PCDH15: variants seen among roughly 807,000 people sequenced by gnomAD.
The protein encoded by PCDH15 is protocadherin-15.
PCDH15 carries 129 observed loss-of-function variants against 178.5 expected under a neutral mutation model. The observed-to-expected ratio is 0.72, with a 90% CI of 0.63 to 0.84. The LOEUF (loss-of-function observed/expected upper bound fraction) is 0.84, where lower values mean the gene tolerates loss of function less well. PCDH15 is among the 40% of genes least tolerant of loss of function. The pLI is 0.00. For synonymous variants in PCDH15, 800 were observed against 732.0 expected, an observed-to-expected ratio of 1.09 and a Z score of -1.50; for missense variants, 2,230 against 2,099.9, an observed-to-expected ratio of 1.06 and a Z score of -1.21.
At chr10:54,888,115 C>G (rs1343736641) in intron 3 of PCDH15, among the ~76,000 whole-genome samples, 1 of 152,072 alleles carries the variant, frequency 6.6e-6, no homozygotes, top group Non-Finnish European at 1.5e-5. Flanking sequence ...ATGAAACAAC[C>G]ATTACAATCA....
chr10:54,097,159 A>T (rs1590396103), intron 15 of PCDH15, among the ~76,000 whole-genome samples: 1 of 152,100 alleles, frequency 6.6e-6, no homozygotes, highest in South Asian at 2.1e-4. Flanking sequence ...TCAATGCAGC[A>T]TCCAGGATTA....
chr10:54,953,722 T>A (rs1446352290), intron 2 of PCDH15, among the ~76,000 whole-genome samples: 1 of 151,338 alleles, frequency 6.6e-6, no homozygotes, highest in African/African-American at 2.4e-5. Context: ...AAAATTCCAC[T>A]TAAATATTCA....
intron 1 of PCDH15, among the ~76,000 whole-genome samples, chr10:55,288,890 T>C (rs1020646006): frequency 6.6e-6 from 1 of 151,636 alleles, no homozygotes; most frequent in Non-Finnish European, 1.5e-5. Context: ...TATATATATC[T>C]AGAACTTGGA....
At chr10:55,598,513 AATATATATATATATATATATATATATAT>A (rs61184409) in intron 2 of PCDH15, among the ~76,000 whole-genome samples, 1,174 of 83,430 alleles carry the variant, frequency 0.014, 44 homozygotes, top group African/African-American at 0.038. Context: ...AGCAAACCCT[AATATATATATATATATATATATATATAT>A]ATATATATAT....
intron 3 of PCDH15, among the ~76,000 whole-genome samples, chr10:54,813,191 T>C (rs547356825): frequency 1.3e-5 from 2 of 152,254 alleles, no homozygotes; most frequent in South Asian, 4.1e-4. Flanking sequence ...TTTTAAAACA[T>C]TTAGATTTTG....
At chr10:55,063,523 T>C (rs533380272) in intron 2 of PCDH15, among the ~76,000 whole-genome samples, 1 of 152,218 alleles carries the variant, frequency 6.6e-6, no homozygotes, top group South Asian at 2.1e-4. Context: ...AGAATGGACA[T>C]GGGGAGAATT....
intron 20 of PCDH15, among the ~76,000 whole-genome samples, chr10:54,005,073 C>T (rs796195657): frequency 5.3e-5 from 8 of 152,118 alleles, no homozygotes; most frequent in African/African-American, 1.9e-4. Context: ...AAAGGACAGT[C>T]TCTTCAATAA....
chr10:54,633,967 C>A (rs1312302623), intron 2 of PCDH15, among the ~76,000 whole-genome samples: 3 of 152,100 alleles, frequency 2.0e-5, no homozygotes, highest in African/African-American at 7.2e-5. Context: ...AGCTGATATG[C>A]CAAGATGCCC....
At chr10:55,620,790 TAA>T (rs1402770416) in intron 2 of PCDH15, among the ~76,000 whole-genome samples, 1 of 151,412 alleles carries the variant, frequency 6.6e-6, no homozygotes, top group African/African-American at 2.4e-5. Context: ...TCAATTATAT[TAA>T]GTTTTAAGAA....
chr10:54,044,409 G>C (rs541168813), intron 18 of PCDH15, among the ~76,000 whole-genome samples: 11 of 152,178 alleles, frequency 7.2e-5, no homozygotes, highest in South Asian at 2.1e-4. Flanking sequence ...GGAGAGCCTA[G>C]GTAGCACTCC....
chr10:54,525,313 A>G (rs2083266913), intron 3 of PCDH15, among the ~76,000 whole-genome samples: 2 of 152,208 alleles, frequency 1.3e-5, no homozygotes, highest in African/African-American at 4.8e-5. Flanking sequence ...CTTTCTTTTC[A>G]AAGAAGCTTC....
chr10:55,198,367 C>T (rs1204847651), intron 1 of PCDH15, among the ~76,000 whole-genome samples: 1 of 152,114 alleles, frequency 6.6e-6, no homozygotes. Context: ...GGACTTCCCC[C>T]TTGCTGTTCT....
intron 19 of PCDH15, among the ~76,000 whole-genome samples, chr10:54,020,792 TTTC>T (rs2092898741): frequency 6.6e-6 from 1 of 152,096 alleles, no homozygotes; most frequent in Non-Finnish European, 1.5e-5. Context: ...TAAATGACTG[TTTC>T]TTATTTTCTA....
intron 2 of PCDH15, among the ~76,000 whole-genome samples, chr10:55,057,541 T>C (rs867355986): frequency 9.2e-5 from 14 of 152,182 alleles, no homozygotes; most frequent in South Asian, 2.1e-4. Flanking sequence ...ACTCTACAAG[T>C]TGCTGTGGGA....
chr10:54,522,361 ATCT>A (rs2082968348), intron 3 of PCDH15, among the ~76,000 whole-genome samples: 1 of 152,172 alleles, frequency 6.6e-6, no homozygotes, highest in South Asian at 2.1e-4. Context: ...GCTCTTTCTC[ATCT>A]TCTCCAGCTA....
chr10:54,343,123 A>T (rs1408572453), intron 6 of PCDH15, among the ~76,000 whole-genome samples: 1 of 152,162 alleles, frequency 6.6e-6, no homozygotes, highest in African/African-American at 2.4e-5. Flanking sequence ...GAAATGTCAA[A>T]AGGACAAGAG....
chr10:55,141,401 C>T (rs187080690), intron 2 of PCDH15, among the ~76,000 whole-genome samples: 70 of 152,134 alleles, frequency 4.6e-4, no homozygotes, highest in African/African-American at 1.6e-3. Context: ...GGATATATAG[C>T]CATTCTCTTT....
intron 6 of PCDH15, among the ~76,000 whole-genome samples, chr10:54,339,365 A>G (rs891654977): frequency 7.2e-6 from 1 of 138,266 alleles, no homozygotes; most frequent in Non-Finnish European, 1.5e-5. Flanking sequence ...GCATTAAACA[A>G]AAAAAAAAAT....
At chr10:55,463,595 G>C (rs1380579071) in intron 2 of PCDH15, among the ~76,000 whole-genome samples, 1 of 151,962 alleles carries the variant, frequency 6.6e-6, no homozygotes, top group Non-Finnish European at 1.5e-5. Flanking sequence ...GTAGGTGCAG[G>C]CTGCAGTGAG....
Sources: allele counts gnomAD v4.1 joint callset (sites outside exome capture counted in the v4.1 genomes callset), GRCh38; gene constraint gnomAD v4.1.1; transcripts MANE v1.5; gene names NCBI Gene and HGNC (gene_info 2026-07-23, HGNC 2026-07-21).